The following UGGT2 variants were observed in gnomAD, a reference collection of about 807,000 sequenced individuals.
The protein encoded by UGGT2 is UDP-glucose:glycoprotein glucosyltransferase 2.
Under a neutral mutation model 192.1 loss-of-function variants are expected in UGGT2, and 180 were observed. The observed-to-expected ratio is 0.94, with a 90% CI of 0.83 to 1.06. UGGT2 has a LOEUF of 1.06. UGGT2 is among the 50% of genes least tolerant of loss of function. The probability of loss-of-function intolerance (pLI) is 0.00; values close to 1 mark genes in which losing one functional copy is unlikely to be tolerated. For missense variants in UGGT2, 1,849 were observed against 1,795.7 expected (o/e 1.03, Z -0.54); for synonymous variants, 580 against 591.0 (o/e 0.98, Z 0.27).
chr13:95,997,753 A>G (rs964690494), intron 6 of UGGT2, among the ~76,000 whole-genome samples: 9 of 152,242 alleles, frequency 5.9e-5, no homozygotes, highest in Admixed American at 1.3e-4. Flanking sequence ...GAGAGGTCAT[A>G]AAGACTTCCC....
At chr13:95,904,770 CT>C (rs1180062744) in intron 20 of UGGT2, among the ~76,000 whole-genome samples, 1 of 152,024 alleles carries the variant, frequency 6.6e-6, no homozygotes, top group African/African-American at 2.4e-5. Flanking sequence ...GTGCATGTGT[CT>C]TTATAGCACC....
At chr13:95,817,476 T>C (rs1274391187) in intron 38 of UGGT2, among the ~76,000 whole-genome samples, 1 of 151,934 alleles carries the variant, frequency 6.6e-6, no homozygotes, top group Non-Finnish European at 1.5e-5. Flanking sequence ...CCCAGATACT[T>C]GGGAGGCTGA....
At chr13:95,864,515 C>T (rs1420318912) in intron 30 of UGGT2, among the ~76,000 whole-genome samples, 1 of 152,182 alleles carries the variant, frequency 6.6e-6, no homozygotes, top group Non-Finnish European at 1.5e-5. Context: ...CTGTGCCACT[C>T]CTAGGAGACT....
chr13:95,882,083 A>G (rs2047511484), intron 27 of UGGT2, among the ~76,000 whole-genome samples: 1 of 151,118 alleles, frequency 6.6e-6, no homozygotes, highest in African/African-American at 2.4e-5. Context: ...TAATTTTTCT[A>G]TTTTTAGTAG....
intron 26 of UGGT2, among the ~76,000 whole-genome samples, chr13:95,886,216 G>A (rs1262632852): frequency 6.6e-6 from 1 of 152,092 alleles, no homozygotes; most frequent in East Asian, 1.9e-4. Context: ...AGAAGCTGAG[G>A]GGATTCCTGC....
At chr13:95,869,930 T>C (rs1891074944) in intron 29 of UGGT2, among the ~76,000 whole-genome samples, 1 of 152,200 alleles carries the variant, frequency 6.6e-6, no homozygotes, top group South Asian at 2.1e-4. Context: ...AAAAAGCACT[T>C]ATACATGTGT....
Position 95,948,078 on chromosome 13 carries a change from G to A in UGGT2, c.1459C>T (p.Leu487=). 3.1e-6 allele frequency: 5 copies of A among 1,610,262 alleles called. No homozygotes were observed. The highest frequency in any genetic ancestry group is 4.2e-6 in the Non-Finnish European group (5 of 1,177,650). Residue 487 remains leucine, a synonymous_variant, in exon 14 of 39, where the codon CTG becomes TTG. Coordinates refer to ENST00000376747, the MANE Select transcript of UGGT2 (RefSeq NM_020121.4). The part of the protein sequence containing the change: ...SIRRNFHNLV[L]FIDPAQEYTL... ...TATTCTTGGGCCGGATCAATAAACAGAACCTAAAAGAAAGATAGTATATAT... is the reference window on the plus strand; with the variant it reads ...TATTCTTGGGCCGGATCAATAAACAAAACCTAAAAGAAAGATAGTATATAT...
At chr13:95,829,741 C>A (rs578153590) in intron 38 of UGGT2, among the ~76,000 whole-genome samples, 11 of 152,072 alleles carry the variant, frequency 7.2e-5, no homozygotes, top group African/African-American at 2.6e-4. Flanking sequence ...AATGGCCACA[C>A]TGCCCAAGGT....
intron 38 of UGGT2, among the ~76,000 whole-genome samples, chr13:95,820,252 G>A (rs912242440): frequency 6.6e-6 from 1 of 151,956 alleles, no homozygotes. Flanking sequence ...CTTTTTCTTG[G>A]AAAACATAAT....
chr13:95,807,965 A>G (rs574834781), intron 38 of UGGT2, among the ~76,000 whole-genome samples: 1 of 152,066 alleles, frequency 6.6e-6, no homozygotes, highest in Non-Finnish European at 1.5e-5. Context: ...TTTTCCAAAG[A>G]GTACTTTGTG....
At chr13:96,019,929 A>G (rs929582090) in intron 4 of UGGT2, among the ~76,000 whole-genome samples, 2 of 152,178 alleles carry the variant, frequency 1.3e-5, no homozygotes, top group Admixed American at 6.5e-5. Context: ...TAACTTAGCT[A>G]AACGTCCCAG....
intron 30 of UGGT2, among the ~76,000 whole-genome samples, chr13:95,865,479 T>C (rs1890576600): frequency 6.6e-6 from 1 of 152,074 alleles, no homozygotes; most frequent in Non-Finnish European, 1.5e-5. Flanking sequence ...ACCCCACCTC[T>C]ACTAAAAATA....
At chr13:95,834,066 G>C (rs181192094) in intron 37 of UGGT2, among the ~76,000 whole-genome samples, 1 of 152,140 alleles carries the variant, frequency 6.6e-6, no homozygotes, top group East Asian at 1.9e-4. Context: ...TGAGGTAAGT[G>C]GACAACACAA....
intron 20 of UGGT2, among the ~76,000 whole-genome samples, chr13:95,913,622 C>T (rs889592723): frequency 9.2e-5 from 14 of 152,200 alleles, no homozygotes; most frequent in African/African-American, 3.1e-4. Context: ...AATAGGAACG[C>T]TTTTACACTG....
In UGGT2 at chr13:95,935,123, A is replaced by G. The variant is rs543996736; in HGVS notation, c.1977+1801T>C. ...TGAGCCCGTCTCCTGTAGACAGCAG[A>G]CAGATGGGTCTTGTTTTTTATCCAA... On this transcript the variant is annotated intron_variant, in intron 17 of 38. Coordinates refer to ENST00000376747, the MANE Select transcript of UGGT2 (RefSeq NM_020121.4). Among the ~76,000 whole-genome samples the G allele has an allele frequency of 2.6e-5, 4 of 152,310 alleles. No individual in the cohort carries two copies. The South Asian group carries it at 8.3e-4, about 32-fold the overall frequency.
chr13:95,946,510 A>G (rs2049874948), intron 15 of UGGT2, among the ~76,000 whole-genome samples: 2 of 152,012 alleles, frequency 1.3e-5, no homozygotes, highest in Non-Finnish European at 2.9e-5. Flanking sequence ...CTATGACTAC[A>G]GGCATGTGCC....
chr13:95,971,377 T>A (rs1261159840), intron 11 of UGGT2, among the ~76,000 whole-genome samples: 3 of 152,176 alleles, frequency 2.0e-5, no homozygotes, highest in African/African-American at 7.2e-5. Flanking sequence ...TCACATTTTG[T>A]CTCTTCCTCT....
chr13:95,817,744 T>C (rs1885059173), intron 38 of UGGT2, among the ~76,000 whole-genome samples: 1 of 152,078 alleles, frequency 6.6e-6, no homozygotes, highest in Non-Finnish European at 1.5e-5. Flanking sequence ...GCAAAGATTA[T>C]AACATTAGAA....
At chr13:95,829,092 C>G (rs140590706) in intron 38 of UGGT2, among the ~76,000 whole-genome samples, 5 of 152,114 alleles carry the variant, frequency 3.3e-5, no homozygotes, top group Non-Finnish European at 2.9e-5. Context: ...CAACAGATGC[C>G]GAAAAGGTCT....
Sources: gnomAD v4.1 joint callset for allele counts (sites outside exome capture counted in the v4.1 genomes callset) on GRCh38, gnomAD v4.1.1 for gene constraint, MANE v1.5 for transcripts, NCBI Gene and HGNC (gene_info 2026-07-23, HGNC 2026-07-21) for gene names.